Variants in CSMD1 observed in about 807,000 individuals in gnomAD.
The protein encoded by CSMD1 is CUB and Sushi multiple domains 1.
In CSMD1, 213 loss-of-function variants were observed where a neutral mutation model predicts 417.5. The observed-to-expected ratio is 0.51, with a 90% CI of 0.46 to 0.57. The LOEUF (loss-of-function observed/expected upper bound fraction) is 0.57. Among genes scored for constraint, CSMD1 ranks in the 20% least tolerant of loss-of-function variants. The pLI is 0.00. For synonymous variants in CSMD1, 2,862 were observed against 1,736.8 expected (o/e 1.65, Z -16.11); for missense variants, 6,923 against 4,529.7 (o/e 1.53, Z -15.17).
chr8:3,635,807 A>G (rs1202000045), intron 7 of CSMD1, among the ~76,000 whole-genome samples: 1 of 150,092 alleles, frequency 6.7e-6, no homozygotes, highest in East Asian at 2.0e-4. Flanking sequence ...AAAAAAAAAA[A>G]AAAAAAAAGA....
intron 3 of CSMD1, among the ~76,000 whole-genome samples, chr8:4,036,726 C>A (rs763711928): frequency 6.6e-6 from 1 of 152,206 alleles, no homozygotes; most frequent in Admixed American, 6.5e-5. Flanking sequence ...TTTGCAGATG[C>A]AGTTGCAGGC....
Position 3,018,605 on chromosome 8 carries a change from A to C in CSMD1, c.7901T>G (p.Ile2634Ser). 9.3e-6 allele frequency: 15 copies of C among 1,613,580 alleles called. No individual in the cohort carries two copies. Among genetic ancestry groups the C allele is most frequent in the Non-Finnish European group, 1.3e-5 (15 of 1,179,762 alleles). The change falls in exon 52 of 70, where the codon ATT (isoleucine) becomes AGT (serine). Residue 2634 changes from isoleucine (I) to serine (S), a missense_variant. Coordinates refer to ENST00000635120, the MANE Select transcript of CSMD1 (RefSeq NM_033225.6). Reference protein sequence around the residue: ...SLSFPPNGNKIGTLTVYGATA... With the variant: ...SLSFPPNGNKSGTLTVYGATA... ...GGCCCCATAAACTGTCAACGTTCCA[A>C]TCTTGTTGCCATTTGGGGGAAAGGA...
At chr8:4,280,457 T>G (rs1796719632) in intron 3 of CSMD1, among the ~76,000 whole-genome samples, 1 of 152,220 alleles carries the variant, frequency 6.6e-6, no homozygotes, top group Non-Finnish European at 1.5e-5. Flanking sequence ...TCTGAGCACT[T>G]GCATACATCA....
At chr8:4,261,243 A>AG (rs1803857974) in intron 3 of CSMD1, among the ~76,000 whole-genome samples, 1 of 152,216 alleles carries the variant, frequency 6.6e-6, no homozygotes, top group African/African-American at 2.4e-5. Context: ...CTTGTGTAGT[A>AG]GACTCAAAAA....
At chr8:4,992,907 C>A (rs558810692) in intron 1 of CSMD1, among the ~76,000 whole-genome samples, 2 of 152,332 alleles carry the variant, frequency 1.3e-5, no homozygotes, top group East Asian at 3.9e-4. Flanking sequence ...CGCAGACACC[C>A]CCTTGTGAGG....
intron 5 of CSMD1, among the ~76,000 whole-genome samples, chr8:3,972,662 C>G (rs140888407): frequency 6.8e-4 from 104 of 152,266 alleles, no homozygotes; most frequent in African/African-American, 1.9e-3. Context: ...AGAATAGTAA[C>G]AGATTATGAC....
intron 10 of CSMD1, among the ~76,000 whole-genome samples, chr8:3,497,095 C>T (rs562644196): frequency 2.0e-5 from 3 of 152,154 alleles, no homozygotes; most frequent in Non-Finnish European, 2.9e-5. Context: ...ATACCATGTA[C>T]TGATGAGAAA....
At chr8:4,186,178 C>A (rs1017631075) in intron 3 of CSMD1, among the ~76,000 whole-genome samples, 1 of 152,092 alleles carries the variant, frequency 6.6e-6, no homozygotes, top group Non-Finnish European at 1.5e-5. Flanking sequence ...TCAAGGTGCC[C>A]TGAATGTTCC....
At chr8:3,560,324 T>G (rs575476855) in intron 10 of CSMD1, among the ~76,000 whole-genome samples, 17 of 152,182 alleles carry the variant, frequency 1.1e-4, no homozygotes, top group Non-Finnish European at 1.3e-4. Context: ...ATGATACCAT[T>G]AGTGAAGGTA....
At chr8:4,737,203 G>A (rs1200408085) in intron 1 of CSMD1, among the ~76,000 whole-genome samples, 1 of 152,120 alleles carries the variant, frequency 6.6e-6, no homozygotes, top group African/African-American at 2.4e-5. Flanking sequence ...GATGGAACTG[G>A]AGGCCATTAT....
intron 5 of CSMD1, among the ~76,000 whole-genome samples, chr8:3,956,628 ATGT>A (rs973451139): frequency 1.1e-4 from 16 of 152,314 alleles, no homozygotes; most frequent in South Asian, 2.1e-4. Flanking sequence ...CAAGACTAAA[ATGT>A]TGTTATTTTC....
chr8:4,681,515 C>G (rs143807183), intron 1 of CSMD1, among the ~76,000 whole-genome samples: 1 of 152,260 alleles, frequency 6.6e-6, no homozygotes, highest in East Asian at 1.9e-4. Context: ...GTTAGGTAAG[C>G]CAAGATCTTT....
At chr8:3,645,711 G>T (rs953161352) in intron 7 of CSMD1, among the ~76,000 whole-genome samples, 2 of 152,186 alleles carry the variant, frequency 1.3e-5, no homozygotes, top group East Asian at 1.9e-4. Flanking sequence ...ACTTGGCTCT[G>T]CAAGGAACAT....
In CSMD1 at chr8:3,125,347, A is replaced by G. The variant is rs552877777; in HGVS notation, c.6242-6760T>C. On this transcript the variant is annotated intron_variant, in intron 41 of 69. Transcript: ENST00000635120. Reference sequence around the variant, plus strand: ...GTGTGAGAGGGCGAAGGAGGCGTCAATCTGCTGTCAGAACCCTCATCACGC... The same window carrying G: ...GTGTGAGAGGGCGAAGGAGGCGTCAGTCTGCTGTCAGAACCCTCATCACGC... Among the ~76,000 whole-genome samples the G allele has an allele frequency of 1.1e-4, 17 of 152,360 alleles. No homozygotes were observed. In the South Asian group the frequency reaches 3.1e-3, roughly 28 times the overall value.
chr8:4,507,123 C>A (rs536070090), intron 2 of CSMD1, among the ~76,000 whole-genome samples: 1 of 152,164 alleles, frequency 6.6e-6, no homozygotes, highest in East Asian at 1.9e-4. Flanking sequence ...TGATACATTT[C>A]ATAAGATTAA....
At chr8:4,554,182 G>T (rs1204176215) in intron 2 of CSMD1, among the ~76,000 whole-genome samples, 1 of 152,130 alleles carries the variant, frequency 6.6e-6, no homozygotes, top group East Asian at 1.9e-4. Flanking sequence ...TGTCGCCCAG[G>T]CTGGAGTGCA....
chr8:4,279,519 C>T (rs1474303511), intron 3 of CSMD1, among the ~76,000 whole-genome samples: 1 of 152,180 alleles, frequency 6.6e-6, no homozygotes, highest in Non-Finnish European at 1.5e-5. Flanking sequence ...AATGTCAATA[C>T]AGTGTGGTTA....
chr8:4,545,016 C>G (rs540114729), intron 2 of CSMD1, among the ~76,000 whole-genome samples: 5 of 152,280 alleles, frequency 3.3e-5, no homozygotes, highest in Admixed American at 6.5e-5. Flanking sequence ...TTATCACGCA[C>G]GTATCTGAAT....
At chr8:4,375,846 G>A (rs181563957) in intron 3 of CSMD1, among the ~76,000 whole-genome samples, 23 of 152,122 alleles carry the variant, frequency 1.5e-4, no homozygotes, top group Admixed American at 2.6e-4. Context: ...AGACTTCACA[G>A]TCATCTAAAT....
Sources: allele counts gnomAD v4.1 joint callset (sites outside exome capture counted in the v4.1 genomes callset), GRCh38; gene constraint gnomAD v4.1.1; transcripts MANE v1.5; gene names NCBI Gene and HGNC (gene_info 2026-07-23, HGNC 2026-07-21).